Variants in UQCC1 observed in about 807,000 individuals in gnomAD.
UQCC1 encodes ubiquinol-cytochrome c reductase complex assembly factor 1.
UQCC1 carries 38 observed loss-of-function variants against 48.0 expected under a neutral mutation model. That is an observed-to-expected ratio of 0.79 (90% CI 0.61 to 1.04). UQCC1 has a LOEUF of 1.04. UQCC1 is among the 50% of genes least tolerant of loss of function. UQCC1 has a pLI of 0.00. For synonymous variants in UQCC1, 111 were observed against 129.2 expected, an observed-to-expected ratio of 0.86 and a Z score of 0.95; for missense variants, 368 against 381.8, an observed-to-expected ratio of 0.96 and a Z score of 0.30.
intron 6 of UQCC1, among the ~76,000 whole-genome samples, chr20:35,366,032 C>T (rs1470133016): frequency 6.6e-6 from 1 of 152,022 alleles, no homozygotes; most frequent in Non-Finnish European, 1.5e-5. Context: ...TTTTTTTTGG[C>T]TACTTATTTC....
chr20:35,404,555 A>T (rs900024963), intron 1 of UQCC1, among the ~76,000 whole-genome samples: 1 of 152,114 alleles, frequency 6.6e-6, no homozygotes, highest in African/African-American at 2.4e-5. Flanking sequence ...AAAAAGAGAT[A>T]TACCTAATGT....
chr20:35,402,835 G>A (rs949607041), intron 1 of UQCC1, among the ~76,000 whole-genome samples: 5 of 151,678 alleles, frequency 3.3e-5, no homozygotes, highest in Non-Finnish European at 7.4e-5. Flanking sequence ...GGAGGCCGAG[G>A]CAGGCGGACT....
chr20:35,319,696 A>T (rs1203669379), intron 7 of UQCC1, among the ~76,000 whole-genome samples: 2 of 152,248 alleles, frequency 1.3e-5, no homozygotes, highest in Non-Finnish European at 2.9e-5. Flanking sequence ...TAATCGGCAG[A>T]TTAATGAATG....
intron 7 of UQCC1, among the ~76,000 whole-genome samples, chr20:35,323,074 C>A (rs1324252735): frequency 6.6e-6 from 1 of 152,290 alleles, no homozygotes; most frequent in East Asian, 1.9e-4. Flanking sequence ...GTCTTGACCT[C>A]CTGACCTTGT....
chr20:35,392,862 G>A (rs893305323), intron 2 of UQCC1, among the ~76,000 whole-genome samples: 4 of 151,386 alleles, frequency 2.6e-5, no homozygotes, highest in African/African-American at 4.8e-5. Flanking sequence ...TAATTGCATC[G>A]AATACGAAAA....
intron 7 of UQCC1, among the ~76,000 whole-genome samples, chr20:35,335,514 T>C (rs1370018735): frequency 6.6e-6 from 1 of 152,108 alleles, no homozygotes. Flanking sequence ...ACTGAAAATA[T>C]GCCACAACAT....
chr20:35,314,746 T>C lies in UQCC1; in HGVS notation c.593A>G (p.Lys198Arg), dbSNP rs777464158. 39 of 1,607,710 alleles carry C rather than the reference T, an allele frequency of 2.4e-5. No homozygotes were observed. The highest frequency in any genetic ancestry group is 1.0e-4 in the Admixed American group (6 of 59,910). The part of the protein sequence containing the change: ...RVMGVNPYIL[K>R]KNMILMTNHF... The stretch of plus-strand genomic sequence containing the variant: ...ATTTGTCATGAGGATCATGTTCTTC[T>C]TCAGGATATAGGGATTAACCTACAG... The change falls in exon 8 of 10, where the codon AAG becomes AGG. Residue 198 changes from lysine to arginine, a missense_variant. By Grantham distance (26) the Lys-to-Arg change is conservative. Transcript: ENST00000374385.
At chr20:35,360,573 C>T (rs1235394891) in intron 6 of UQCC1, among the ~76,000 whole-genome samples, 1 of 152,182 alleles carries the variant, frequency 6.6e-6, no homozygotes, top group Non-Finnish European at 1.5e-5. Context: ...TTTGAAACTT[C>T]TTGAAAAGTA....
chr20:35,401,486 G>A (rs1359777144), intron 1 of UQCC1, among the ~76,000 whole-genome samples: 3 of 152,054 alleles, frequency 2.0e-5, no homozygotes, highest in African/African-American at 7.2e-5. Context: ...TCTCAGCCAG[G>A]AACACACACA....
chr20:35,334,590 A>G (rs1411969874), intron 7 of UQCC1, among the ~76,000 whole-genome samples: 2 of 152,218 alleles, frequency 1.3e-5, no homozygotes, highest in African/African-American at 4.8e-5. Flanking sequence ...TAAAAACATT[A>G]TAATTTCTTA....
At chr20:35,411,964 GTTCCTCAATAACCAT>G (rs1233924753) in exon 1 of UQCC1, 3 of 1,614,092 alleles carry the variant, frequency 1.9e-6, no homozygotes, top group Non-Finnish European at 2.5e-6. Context: ...GCAACGCCAT[GTTCCTCAATAACCAT>G]TTCCGGGTGA....
At chr20:35,391,546 C>T (rs980497899) in intron 2 of UQCC1, among the ~76,000 whole-genome samples, 1 of 151,828 alleles carries the variant, frequency 6.6e-6, no homozygotes, top group African/African-American at 2.4e-5. Flanking sequence ...ATCGCTTGAA[C>T]CCAGGAGGTG....
chr20:35,346,971 C>A (rs1245725171), intron 7 of UQCC1, 193 bp downstream of exon 7: 2 of 1,517,542 alleles, frequency 1.3e-6, no homozygotes, highest in Admixed American at 2.0e-5. Context: ...ATAATGTGTA[C>A]AAACACATAA....
At chr20:35,355,724 C>T (rs1038037211) in intron 6 of UQCC1, among the ~76,000 whole-genome samples, 2 of 152,114 alleles carry the variant, frequency 1.3e-5, no homozygotes, top group African/African-American at 4.8e-5. Context: ...CATCCCCTGC[C>T]AACCCGTTCC....
chr20:35,398,458 A>G (rs1271991479), intron 1 of UQCC1, among the ~76,000 whole-genome samples: 1 of 152,184 alleles, frequency 6.6e-6, no homozygotes, highest in Non-Finnish European at 1.5e-5. Flanking sequence ...GGTGGGGTGG[A>G]GAAAGGCATT....
At chr20:35,345,843 C>A (rs1271818923) in intron 7 of UQCC1, 1 of 152,150 alleles carries the variant, frequency 6.6e-6, no homozygotes, top group Non-Finnish European at 1.5e-5. Flanking sequence ...ACCAAATTAA[C>A]CCATTTCATG....
At chr20:35,397,671 ATTAT>A (rs2062102822) in intron 1 of UQCC1, among the ~76,000 whole-genome samples, 1 of 152,186 alleles carries the variant, frequency 6.6e-6, no homozygotes, top group East Asian at 1.9e-4. Context: ...TAATCTAGAG[ATTAT>A]TTAAAGTACA....
chr20:35,367,186 T>C (rs898040877), intron 5 of UQCC1, among the ~76,000 whole-genome samples: 1 of 151,918 alleles, frequency 6.6e-6, no homozygotes, highest in African/African-American at 2.4e-5. Context: ...GCTTGTTATG[T>C]GGCCTTGGAC....
intron 1 of UQCC1, among the ~76,000 whole-genome samples, chr20:35,407,390 T>C (rs1436080962): frequency 1.3e-5 from 2 of 151,106 alleles, no homozygotes; most frequent in East Asian, 3.9e-4. Context: ...ATTGTGCCAC[T>C]GCACTCTAGC....
Sources: allele counts gnomAD v4.1 joint callset (sites outside exome capture counted in the v4.1 genomes callset), GRCh38; gene constraint gnomAD v4.1.1; transcripts MANE v1.5; gene names NCBI Gene and HGNC (gene_info 2026-07-23, HGNC 2026-07-21).